The following SH3PXD2B variants were observed in gnomAD, a reference collection of about 807,000 sequenced individuals.
SH3PXD2B encodes SH3 and PX domain-containing protein 2B.
In SH3PXD2B, 37 loss-of-function variants were observed where a neutral mutation model predicts 73.1. The observed-to-expected ratio is 0.51, with a 90% CI of 0.39 to 0.67. The LOEUF is 0.67. Among genes scored for constraint, SH3PXD2B ranks in the 30% least tolerant of loss-of-function variants. The probability of loss-of-function intolerance (pLI) is 0.00; values close to 1 mark genes in which losing one functional copy is unlikely to be tolerated. For synonymous variants in SH3PXD2B, 457 were observed against 480.5 expected (o/e 0.95, Z 0.64); for missense variants, 1,053 against 1,197.8 (o/e 0.88, Z 1.78).
intron 1 of SH3PXD2B, among the ~76,000 whole-genome samples, chr5:172,446,096 C>G (rs892772346): frequency 2.6e-4 from 40 of 152,218 alleles, no homozygotes; most frequent in African/African-American, 9.6e-4. Context: ...GGCCAGCTGA[C>G]CCCCCCGACA....
intron 4 of SH3PXD2B, among the ~76,000 whole-genome samples, chr5:172,391,977 G>C (rs1373068931): frequency 3.3e-5 from 5 of 150,978 alleles, no homozygotes; most frequent in Non-Finnish European, 7.4e-5. Flanking sequence ...GATCCACTTT[G>C]AGTTGATTTT....
At chr5:172,432,604 C>G (rs1417644918) in intron 1 of SH3PXD2B, among the ~76,000 whole-genome samples, 4 of 152,098 alleles carry the variant, frequency 2.6e-5, no homozygotes, top group Non-Finnish European at 5.9e-5. Context: ...TAGGCAAATT[C>G]GCAAACATGA....
At chr5:172,370,032 TTGAA>T (rs1242439885) in intron 6 of SH3PXD2B, among the ~76,000 whole-genome samples, 14 of 152,222 alleles carry the variant, frequency 9.2e-5, no homozygotes, top group East Asian at 3.9e-4. Context: ...TAAATAAATA[TTGAA>T]TGAATAACTG....
At chr5:172,401,844 T>C (rs1259616166) in intron 3 of SH3PXD2B, among the ~76,000 whole-genome samples, 1 of 152,218 alleles carries the variant, frequency 6.6e-6, no homozygotes, top group Non-Finnish European at 1.5e-5. Context: ...CTGTCTTTAC[T>C]TTAATCTCTT....
chr5:172,358,668 G>T, intron 8 of SH3PXD2B, 105 bp downstream of exon 8: 1 of 1,031,582 alleles, frequency 9.7e-7, no homozygotes, highest in Non-Finnish European at 1.5e-6. Flanking sequence ...CTGCTGAGAC[G>T]CAGAGGCAGA....
At chr5:172,327,004 G>C (rs76574484) in intron 12 of SH3PXD2B, among the ~76,000 whole-genome samples, 1 of 20,902 alleles carries the variant, frequency 4.8e-5, no homozygotes, top group East Asian at 1.6e-3. Context: ...TTACAGGCAT[G>C]CGCCACCACC....
chr5:172,420,192 A>G (rs1656361537), intron 2 of SH3PXD2B, among the ~76,000 whole-genome samples: 1 of 152,256 alleles, frequency 6.6e-6, no homozygotes, highest in Admixed American at 6.5e-5. Context: ...TCTTTAACTT[A>G]TAGCTGCTTT....
intron 1 of SH3PXD2B, among the ~76,000 whole-genome samples, chr5:172,450,893 C>A (rs1227856101): frequency 6.6e-6 from 1 of 152,180 alleles, no homozygotes; most frequent in East Asian, 1.9e-4. Flanking sequence ...AGGAGCTCCC[C>A]AAATCTTCAT....
intron 2 of SH3PXD2B, among the ~76,000 whole-genome samples, chr5:172,407,542 T>C (rs1423980084): frequency 6.6e-6 from 1 of 152,248 alleles, no homozygotes; most frequent in Non-Finnish European, 1.5e-5. Flanking sequence ...TAACCTACCC[T>C]GTTTAGTACA....
At chr5:172,377,108 C>T (rs1449677349) in intron 5 of SH3PXD2B, among the ~76,000 whole-genome samples, 2 of 152,202 alleles carry the variant, frequency 1.3e-5, no homozygotes, top group Non-Finnish European at 2.9e-5. Flanking sequence ...CTTCCACTGT[C>T]CCAGCCAGAG....
intron 7 of SH3PXD2B, among the ~76,000 whole-genome samples, chr5:172,360,898 T>A (rs1757388709): frequency 6.6e-6 from 1 of 152,138 alleles, no homozygotes; most frequent in Non-Finnish European, 1.5e-5. Flanking sequence ...CTTGTTGGAA[T>A]CTAACCTAAA....
intron 4 of SH3PXD2B, among the ~76,000 whole-genome samples, chr5:172,387,969 TG>T (rs1758094368): frequency 6.6e-6 from 1 of 152,208 alleles, no homozygotes; most frequent in Non-Finnish European, 1.5e-5. Flanking sequence ...TCATGTGTGG[TG>T]TGAGGCAGGG....
In SH3PXD2B at chr5:172,336,109, C is replaced by T; in HGVS notation, c.*2260G>A. ...GCTCTTCCAGCCAGGGATGGAGCCA[C>T]ACACATCCCAGTCTACTCAGCACCT... On this transcript the variant is annotated 3_prime_UTR_variant, in exon 13 of 13. Coordinates refer to ENST00000311601, the MANE Select transcript of SH3PXD2B (RefSeq NM_001017995.3). The T allele has an allele frequency of 1.0e-6, 1 of 988,058 alleles. No homozygotes were observed. The highest frequency in any genetic ancestry group is 1.2e-6 in the Non-Finnish European group (1 of 831,864). The allele number at this position is 988,058 out of a possible 1,614,324, so 61.2% of individuals were successfully genotyped here.
At chr5:172,385,328 G>C (rs370662084) in intron 4 of SH3PXD2B, among the ~76,000 whole-genome samples, 1 of 152,142 alleles carries the variant, frequency 6.6e-6, no homozygotes, top group African/African-American at 2.4e-5. Context: ...AGCACTGGGA[G>C]GCTCCTGAAA....
intron 6 of SH3PXD2B, among the ~76,000 whole-genome samples, chr5:172,371,221 T>G (rs1332113405): frequency 6.6e-6 from 1 of 152,256 alleles, no homozygotes; most frequent in Non-Finnish European, 1.5e-5. Flanking sequence ...CTGTCAATCT[T>G]GCTGAAAGAG....
At chr5:172,345,369 G>T (rs1238108701) in intron 12 of SH3PXD2B, among the ~76,000 whole-genome samples, 1 of 152,116 alleles carries the variant, frequency 6.6e-6, no homozygotes, top group Non-Finnish European at 1.5e-5. Context: ...CATAGTAGGA[G>T]ATCCAGGAGC....
Position 172,338,094 on chromosome 5 carries a change from A to G in SH3PXD2B, c.*275T>C. The stretch of plus-strand genomic sequence containing the variant: ...CTGCTGGGTGGCAATGCCATTGGCC[A>G]GGAGGAGTTCTCTTAAGGCAGGGAT... On this transcript the variant is annotated 3_prime_UTR_variant, in exon 13 of 13. Transcript: ENST00000311601. This position sits in a 1 kb window ranked among gnomAD's most constrained non-coding sequence, Gnocchi z 5.1. 1.5e-6 allele frequency: 2 copies of G among 1,362,244 alleles called. No homozygotes were observed. The highest frequency in any genetic ancestry group is 1.5e-5 in the South Asian group (1 of 65,348). The allele number at this position is 1,362,244 out of a possible 1,614,324, so 84.4% of individuals were successfully genotyped here. A position where few individuals can be genotyped will look rare whatever the true frequency, so the allele number is the denominator to read the frequency against.
intron 10 of SH3PXD2B, among the ~76,000 whole-genome samples, chr5:172,349,206 G>A (rs1234901165): frequency 6.6e-6 from 1 of 152,366 alleles, no homozygotes; most frequent in African/African-American, 2.4e-5. Context: ...AGCAAAGTAC[G>A]AAACTTGGTT....
rs752236934 is a variant in SH3PXD2B, at chr5:172,339,612, G to A, written c.1493C>T (p.Ala498Val). The change falls in exon 13 of 13, where the codon GCA (alanine) becomes GTA (valine). Residue 498 changes from alanine to valine, a missense_variant. By Grantham distance (64) the Ala-to-Val change is moderately conservative. This residue lies in a region of SH3PXD2B where 587 missense variants were observed against 590.7 expected (regional missense o/e 0.99). Coordinates refer to ENST00000311601, the MANE Select transcript of SH3PXD2B (RefSeq NM_001017995.3). The surrounding 1 kb of genome is among the most constrained non-coding windows in gnomAD (Gnocchi z 6.1). Reference sequence around the variant, plus strand: ...TGCTGACGCAGACATGTCTGAAGATGCCTTCCTCAGGACATCCTTACTGCC... The same window carrying A: ...TGCTGACGCAGACATGTCTGAAGATACCTTCCTCAGGACATCCTTACTGCC... Reference protein sequence around the residue: ...WKGSKDVLRKASSDMSASAGY... With the variant: ...WKGSKDVLRKVSSDMSASAGY... 6.2e-7 allele frequency: 1 copy of A among 1,614,244 alleles called. No individual in the cohort carries two copies. The highest frequency in any genetic ancestry group is 8.5e-7 in the Non-Finnish European group (1 of 1,180,052).
Sources: allele counts gnomAD v4.1 joint callset (sites outside exome capture counted in the v4.1 genomes callset), GRCh38; gene constraint gnomAD v4.1.1; regional missense constraint gnomAD v4.1.1; non-coding constraint Gnocchi (gnomAD v3.1); transcripts MANE v1.5; gene names NCBI Gene and HGNC (gene_info 2026-07-23, HGNC 2026-07-21).